The following METTL25 variants were observed in gnomAD, a reference collection of about 807,000 sequenced individuals.
The protein encoded by METTL25 is probable methyltransferase-like protein 25.
A neutral mutation model predicts 71.6 loss-of-function variants in METTL25; 64 were observed. The ratio of observed to expected loss-of-function variants is 0.89; its 90% CI spans 0.73 to 1.10. The LOEUF (loss-of-function observed/expected upper bound fraction) is 1.10. Among genes scored for constraint, METTL25 ranks in the 50% least tolerant of loss-of-function variants. METTL25 has a pLI of 0.00. For missense variants in METTL25, 807 were observed against 707.0 expected, an observed-to-expected ratio of 1.14 and a Z score of -1.60; for synonymous variants, 287 against 250.3, an observed-to-expected ratio of 1.15 and a Z score of -1.38.
At position 82,441,806 on chromosome 12, in the gene METTL25, AACACAC is replaced by A. The variant is rs57098687; in HGVS notation, c.1478+3037_1478+3042del. On this transcript the variant is annotated intron_variant, in intron 8 of 11. Transcript: ENST00000248306. ...TATAGCAAAAAAAAAAAAAAATAGA[AACACAC>A]ACACACACACACACACACACAGAAA... Among the ~76,000 whole-genome samples the A allele has an allele frequency of 3.9e-4, 52 of 133,984 alleles. 1 individual carries two copies. The South Asian group carries it at 4.7e-3, about 12-fold the overall frequency. The allele number at this position is 133,984 out of a possible 152,430, so 87.9% of individuals were successfully genotyped here. A position where few individuals can be genotyped will look rare whatever the true frequency, so the allele number is the denominator to read the frequency against.
intron 1 of METTL25, among the ~76,000 whole-genome samples, chr12:82,361,749 G>A (rs371586596): frequency 6.6e-6 from 1 of 152,178 alleles, no homozygotes; most frequent in Non-Finnish European, 1.5e-5. Flanking sequence ...CCCGGAACTC[G>A]CGCTGGCCAG....
intron 8 of METTL25, among the ~76,000 whole-genome samples, chr12:82,451,730 T>G (rs1891159092): frequency 6.6e-6 from 1 of 152,136 alleles, no homozygotes; most frequent in South Asian, 2.1e-4. Flanking sequence ...AGTGATTATT[T>G]GCCTATCAAC....
chr12:82,377,912 C>A (rs1884038371), intron 1 of METTL25, among the ~76,000 whole-genome samples: 2 of 152,274 alleles, frequency 1.3e-5, no homozygotes, highest in South Asian at 4.1e-4. Flanking sequence ...CTTGTAAACT[C>A]TTAGACATCA....
intron 5 of METTL25, among the ~76,000 whole-genome samples, chr12:82,408,186 G>A (rs1887250229): frequency 6.6e-6 from 1 of 152,100 alleles, no homozygotes. Context: ...AAGACATGAA[G>A]AATTCTACAG....
chr12:82,398,736 A>G, intron 3 of METTL25, 59 bp from the exon 4 acceptor site: 1 of 1,172,542 alleles, frequency 8.5e-7, no homozygotes. Context: ...AAAATCTAGA[A>G]TGCTTTCTAT....
At chr12:82,386,676 A>G (rs1885052841) in intron 1 of METTL25, 127 bp from the exon 2 acceptor site, 6 of 789,476 alleles carry the variant, frequency 7.6e-6, no homozygotes, top group African/African-American at 5.2e-5. Context: ...TATATTGCCA[A>G]AATTCACAAC....
intron 1 of METTL25, among the ~76,000 whole-genome samples, chr12:82,375,856 T>TG (rs1345414247): frequency 1.3e-5 from 2 of 152,232 alleles, no homozygotes; most frequent in Non-Finnish European, 2.9e-5. Flanking sequence ...GTTACCCTTA[T>TG]ATCCCAATTT....
intron 8 of METTL25, among the ~76,000 whole-genome samples, chr12:82,443,619 C>G (rs1172041448): frequency 2.6e-5 from 4 of 152,086 alleles, no homozygotes; most frequent in African/African-American, 2.4e-5. Context: ...ATTTGGCTCA[C>G]AGTTAAGCAG....
At chr12:82,375,062 C>G (rs1246155505) in intron 1 of METTL25, among the ~76,000 whole-genome samples, 1 of 152,130 alleles carries the variant, frequency 6.6e-6, no homozygotes, top group Admixed American at 6.5e-5. Context: ...TGCAAACTTA[C>G]AGAATAATAA....
chr12:82,471,366 T>G (rs1256495172), intron 9 of METTL25, among the ~76,000 whole-genome samples: 4 of 152,206 alleles, frequency 2.6e-5, no homozygotes, highest in African/African-American at 9.7e-5. Context: ...GGCTTTCAGT[T>G]TATGGCACCT....
rs184747285 is a variant in METTL25, at chr12:82,369,522, G to A, written c.259+10698G>A. 252 of 445,446 alleles carry A rather than the reference G, an allele frequency of 5.7e-4. 2 individuals are homozygous for A. Among genetic ancestry groups the A allele is most frequent in the Non-Finnish European group, 3.6e-4 (81 of 223,148 alleles). 27.6% of individuals were successfully genotyped at this position (445,446 alleles called of 1,614,324 possible). A position where few individuals can be genotyped will look rare whatever the true frequency, so the allele number is the denominator to read the frequency against. On this transcript the variant is annotated intron_variant, in intron 1 of 11. Coordinates refer to ENST00000248306, the MANE Select transcript of METTL25 (RefSeq NM_032230.3). Reference sequence around the variant, plus strand: ...GTTTCTTCCTTCTGGTGGGTTCATGGTCCTGCTGACTTCAAGAATGAAGCC... The same window carrying A: ...GTTTCTTCCTTCTGGTGGGTTCATGATCCTGCTGACTTCAAGAATGAAGCC...
At chr12:82,473,033 T>A (rs1463090778) in intron 9 of METTL25, among the ~76,000 whole-genome samples, 1 of 152,066 alleles carries the variant, frequency 6.6e-6, no homozygotes, top group East Asian at 1.9e-4. Context: ...TTTGCTGTGG[T>A]CCTAGGTGGA....
At chr12:82,388,076 A>G (rs1156256768) in intron 2 of METTL25, among the ~76,000 whole-genome samples, 1 of 151,910 alleles carries the variant, frequency 6.6e-6, no homozygotes, top group Non-Finnish European at 1.5e-5. Flanking sequence ...GATACTTTTG[A>G]TATCTATAGG....
chr12:82,367,299 T>G (rs1290349306), intron 1 of METTL25, among the ~76,000 whole-genome samples: 2 of 152,236 alleles, frequency 1.3e-5, no homozygotes, highest in African/African-American at 4.8e-5. Flanking sequence ...CATTAAACTT[T>G]CCTTGTAAGC....
chr12:82,360,270 A>AT (rs1250028698), intron 1 of METTL25, among the ~76,000 whole-genome samples: 2 of 152,140 alleles, frequency 1.3e-5, no homozygotes, highest in African/African-American at 4.8e-5. Context: ...ATTATTTGAT[A>AT]TTTACTATAT....
In METTL25 at chr12:82,372,043, G is replaced by A. The variant is rs374321687; in HGVS notation, c.259+13219G>A. Among the ~76,000 whole-genome samples the A allele has an allele frequency of 2.6e-5, 4 of 152,232 alleles. No homozygotes were observed. The East Asian group carries it at 5.8e-4, about 22-fold the overall frequency. ...ATCATTTACTTGACTAAGATACAAG[G>A]TATCTCCAAACTCTCGTGCTGCAGC... On this transcript the variant is annotated intron_variant, in intron 1 of 11. Transcript: ENST00000248306.
chr12:82,457,428 C>T (rs1187094129), intron 9 of METTL25, among the ~76,000 whole-genome samples: 3 of 151,400 alleles, frequency 2.0e-5, no homozygotes, highest in South Asian at 2.1e-4. Context: ...TAAATTGAAA[C>T]GAAGAATAGA....
chr12:82,392,175 T>C (rs1885653206), intron 3 of METTL25, among the ~76,000 whole-genome samples: 1 of 150,936 alleles, frequency 6.6e-6, no homozygotes, highest in Non-Finnish European at 1.5e-5. Context: ...TACATATGTA[T>C]ACATGTGCCA....
At chr12:82,437,004 A>G (rs1390693891) in intron 7 of METTL25, among the ~76,000 whole-genome samples, 1 of 151,642 alleles carries the variant, frequency 6.6e-6, no homozygotes. Context: ...TATGAGATAA[A>G]TGAAAGGATT....
Sources: gnomAD v4.1 joint callset for allele counts (sites outside exome capture counted in the v4.1 genomes callset) on GRCh38, gnomAD v4.1.1 for gene constraint, MANE v1.5 for transcripts, NCBI Gene and HGNC (gene_info 2026-07-23, HGNC 2026-07-21) for gene names.